OSBP: variants seen among roughly 807,000 people sequenced by gnomAD.
OSBP encodes oxysterol binding protein, also known as oxysterol-binding protein 1.
OSBP carries 32 observed loss-of-function variants against 96.6 expected under a neutral mutation model. The ratio of observed to expected loss-of-function variants is 0.33; its 90% CI spans 0.25 to 0.45. OSBP has a LOEUF of 0.45. OSBP is among the 20% of genes least tolerant of loss of function. The pLI is 1.00. For missense variants in OSBP, 653 were observed against 1,029.7 expected (o/e 0.63, Z 5.01); for synonymous variants, 369 against 389.6 (o/e 0.95, Z 0.62).
chr11:59,611,151 AAAGAAAG>A (rs1430168092), intron 1 of OSBP, among the ~76,000 whole-genome samples: 14 of 146,848 alleles, frequency 9.5e-5, no homozygotes, highest in South Asian at 2.1e-4. Flanking sequence ...AAAAAAAAAA[AAAGAAAG>A]AAAGAAAGAA....
intron 9 of OSBP, among the ~76,000 whole-genome samples, chr11:59,589,111 T>C (rs1252853771): frequency 6.7e-6 from 1 of 149,084 alleles, no homozygotes; most frequent in Non-Finnish European, 1.5e-5. Flanking sequence ...GGATAATATA[T>C]GCAAAATGCT....
At chr11:59,587,703 A>G (rs1860517954) in intron 9 of OSBP, among the ~76,000 whole-genome samples, 1 of 152,216 alleles carries the variant, frequency 6.6e-6, no homozygotes, top group South Asian at 2.1e-4. Context: ...ATATGGAGTA[A>G]CCGGAACCTT....
intron 3 of OSBP, among the ~76,000 whole-genome samples, chr11:59,603,858 G>A (rs758166382): frequency 6.6e-6 from 1 of 152,042 alleles, no homozygotes; most frequent in Non-Finnish European, 1.5e-5. Flanking sequence ...TCCCTTTGAT[G>A]TTCCCCAATC....
rs766983402 is a variant in OSBP, at chr11:59,600,809, T to A, written c.1179+10A>T. The stretch of plus-strand genomic sequence containing the variant: ...TCCCTCACCTCTGAGATCTCCCATA[T>A]AAGAATTACCTGTTCATCAAGGCTG... On this transcript the variant is annotated intron_variant, in intron 6 of 13. Coordinates refer to ENST00000263847, the MANE Select transcript of OSBP (RefSeq NM_002556.3). 3.1e-6 allele frequency: 5 copies of A among 1,610,596 alleles called. No individual in the cohort carries two copies. The highest frequency in any genetic ancestry group is 3.3e-5 in the Admixed American group (2 of 59,902).
chr11:59,585,707 C>T (rs923586787), intron 9 of OSBP, among the ~76,000 whole-genome samples: 6 of 152,180 alleles, frequency 3.9e-5, no homozygotes, highest in Admixed American at 6.5e-5. Flanking sequence ...ATGACAATGG[C>T]GGTTTTGTGG....
intron 10 of OSBP, among the ~76,000 whole-genome samples, chr11:59,580,778 C>T (rs1860411277): frequency 6.6e-6 from 1 of 152,132 alleles, no homozygotes; most frequent in South Asian, 2.1e-4. Flanking sequence ...CTTGGCCTCC[C>T]AAGGTGTTGG....
Position 59,576,971 on chromosome 11 carries a change from A to C in OSBP, c.2115T>G (p.Ala705=). The C allele has an allele frequency of 6.2e-7, 1 of 1,614,168 alleles. No individual in the cohort carries two copies. The highest frequency in any genetic ancestry group is 1.3e-5 in the African/African-American group (1 of 75,034). The change falls in exon 13 of 14, where the codon GCT becomes GCG. Residue 705 remains alanine (A), a synonymous_variant. Coordinates refer to ENST00000263847, the MANE Select transcript of OSBP (RefSeq NM_002556.3). Reference sequence around the variant, plus strand: ...CTGTGGGGGCAGTGCCACTTTCCCAAGCATTGAGAGTCAGAGCAAGCTCTG... The same window carrying C: ...CTGTGGGGGCAGTGCCACTTTCCCACGCATTGAGAGTCAGAGCAAGCTCTG... ...YFSELALTLN[A]WESGTAPTDS...
At chr11:59,611,964 T>C (rs1204946459) in intron 1 of OSBP, among the ~76,000 whole-genome samples, 3 of 152,228 alleles carry the variant, frequency 2.0e-5, no homozygotes, top group Non-Finnish European at 2.9e-5. Context: ...GGAACCTGCA[T>C]GTTGAGACTG....
rs1590682291 is a variant in OSBP, at chr11:59,615,731, G to A, written c.-67C>T. On this transcript the variant is annotated 5_prime_UTR_variant, in exon 1 of 14. Transcript: ENST00000263847. ...GAGAGCCGCCGTCGCCGCCCGGAGC[G>A]CCCCACACGGCTACCGCATCAGCCA... 6 of 1,238,856 alleles carry A rather than the reference G, an allele frequency of 4.8e-6. No homozygotes were observed. Among genetic ancestry groups the A allele is most frequent in the Middle Eastern group, 3.2e-4 (1 of 3,126 alleles). The allele number at this position is 1,238,856 out of a possible 1,614,324, so 76.7% of individuals were successfully genotyped here.
intron 3 of OSBP, among the ~76,000 whole-genome samples, chr11:59,605,705 C>T (rs1860773434): frequency 6.6e-6 from 1 of 152,166 alleles, no homozygotes; most frequent in African/African-American, 2.4e-5. Context: ...TTTAGTAATA[C>T]TGACTGTAAT....
intron 1 of OSBP, among the ~76,000 whole-genome samples, chr11:59,612,457 C>T (rs1232433866): frequency 2.0e-5 from 3 of 152,122 alleles, no homozygotes; most frequent in African/African-American, 7.2e-5. Context: ...TTTTGGAAAC[C>T]ACTTCTTAGG....
chr11:59,585,380 TGAG>T (rs1255726924), intron 9 of OSBP, among the ~76,000 whole-genome samples: 29 of 1,156 alleles, frequency 0.025, no homozygotes, highest in African/African-American at 0.093. Context: ...GTCTGAGAAG[TGAG>T]GAGACCTCGC....
intron 9 of OSBP, among the ~76,000 whole-genome samples, chr11:59,586,611 A>G (rs1413051684): frequency 2.6e-5 from 4 of 152,230 alleles, no homozygotes; most frequent in Non-Finnish European, 5.9e-5. Context: ...GAACAAAGCT[A>G]GAGGACTCAA....
intron 9 of OSBP, among the ~76,000 whole-genome samples, chr11:59,586,847 T>C (rs2134657575): frequency 6.6e-6 from 1 of 152,216 alleles, no homozygotes; most frequent in East Asian, 1.9e-4. Flanking sequence ...TAGACCTTTA[T>C]CTAGTACCAT....
At chr11:59,610,710 T>G (rs1860832748) in intron 1 of OSBP, 121 bp from the exon 2 acceptor site, 2 of 764,098 alleles carry the variant, frequency 2.6e-6, no homozygotes, top group East Asian at 5.4e-5. Context: ...AATCAGCAAG[T>G]TCTAGTCCCT....
intron 12 of OSBP, among the ~76,000 whole-genome samples, chr11:59,577,922 C>T (rs1860378779): frequency 6.6e-6 from 1 of 152,210 alleles, no homozygotes; most frequent in Admixed American, 6.5e-5. Context: ...CTTTAGAAAG[C>T]ACAAAGTATT....
intron 1 of OSBP, among the ~76,000 whole-genome samples, chr11:59,614,343 A>T (rs1397057960): frequency 6.6e-6 from 1 of 152,212 alleles, no homozygotes; most frequent in Non-Finnish European, 1.5e-5. Flanking sequence ...GTTGGGAGTC[A>T]ACAAAATACT....
At position 59,615,622 on chromosome 11, in the gene OSBP, C is replaced by G. The variant is rs534529690; in HGVS notation, c.43G>C (p.Ala15Pro). The change falls in exon 1 of 14, where the codon GCA becomes CCA. Residue 15 changes from alanine to proline, a missense_variant. By Grantham distance (27) the Ala-to-Pro change is conservative. Around this residue, in one of 6 missense-constraint regions of OSBP, gnomAD observed 151 missense variants for 146.1 expected, o/e 1.03. Transcript: ENST00000263847. ...CCGCCGCCAAGTGCTGCAATGGCTG[C>G]CGGGCCTGGCCCCACCACTCCTCTC... ...ELRGVVGPGPAAIAALGGGGA... is the reference protein window; with the variant it reads ...ELRGVVGPGPPAIAALGGGGA... 1.5e-6 allele frequency: 2 copies of G among 1,378,508 alleles called. No homozygotes were observed. The highest frequency in any genetic ancestry group is 1.9e-6 in the Non-Finnish European group (2 of 1,064,468). The allele number at this position is 1,378,508 out of a possible 1,614,324, so 85.4% of individuals were successfully genotyped here. A position where few individuals can be genotyped will look rare whatever the true frequency, so the allele number is the denominator to read the frequency against.
rs576100250 is a variant in OSBP at position 59,577,262 on chromosome 11, C to T, written c.2061-237G>A. Among the ~76,000 whole-genome samples the T allele has an allele frequency of 3.3e-5, 5 of 152,232 alleles. No homozygotes were observed. In the East Asian group the frequency reaches 9.7e-4, roughly 29 times the overall value. ...CATAGTCTTCTGGTGTTGTGTGGTG[C>T]CCAGCTGAAATTATCTACGTTCATT... On this transcript the variant is annotated intron_variant, in intron 12 of 13. Transcript: ENST00000263847.
Sources: allele counts gnomAD v4.1 joint callset (sites outside exome capture counted in the v4.1 genomes callset), GRCh38; gene constraint gnomAD v4.1.1; regional missense constraint gnomAD v4.1.1; transcripts MANE v1.5; gene names NCBI Gene and HGNC (gene_info 2026-07-23, HGNC 2026-07-21).